GPC5: variants seen among roughly 807,000 people sequenced by gnomAD.
GPC5 encodes the protein glypican-5.
A neutral mutation model predicts 53.9 loss-of-function variants in GPC5; 47 were observed. The observed-to-expected ratio is 0.87, with a 90% confidence interval of 0.69 to 1.11. GPC5 has a LOEUF of 1.11. Ranked by LOEUF, GPC5 falls within the 50% of genes most tolerant of loss-of-function variation. GPC5 has a pLI of 0.00. For missense variants in GPC5, 748 were observed against 713.1 expected, an observed-to-expected ratio of 1.05 and a Z score of -0.56; for synonymous variants, 286 against 263.3, an observed-to-expected ratio of 1.09 and a Z score of -0.84.
chr13:92,585,538 G>A (rs1201242425), intron 7 of GPC5, among the ~76,000 whole-genome samples: 1 of 152,136 alleles, frequency 6.6e-6, no homozygotes, highest in Non-Finnish European at 1.5e-5. Context: ...GAATTGCCTT[G>A]TCTCAGATGA....
chr13:92,193,825 T>C (rs867938988), intron 7 of GPC5, among the ~76,000 whole-genome samples: 1 of 152,230 alleles, frequency 6.6e-6, no homozygotes, highest in Non-Finnish European at 1.5e-5. Flanking sequence ...CCAAGAAGAT[T>C]AACCACTCCA....
intron 7 of GPC5, among the ~76,000 whole-genome samples, chr13:92,741,528 T>A (rs915831836): frequency 2.0e-5 from 3 of 152,032 alleles, no homozygotes; most frequent in African/African-American, 7.2e-5. Context: ...GAAAACAGGT[T>A]GAAACAGTGC....
chr13:91,964,246 T>C (rs1476307967), intron 6 of GPC5, among the ~76,000 whole-genome samples: 1 of 152,172 alleles, frequency 6.6e-6, no homozygotes, highest in African/African-American at 2.4e-5. Context: ...GCAAGATTTC[T>C]TGCAAACAGT....
intron 7 of GPC5, among the ~76,000 whole-genome samples, chr13:92,837,022 G>T (rs976936770): frequency 5.3e-5 from 8 of 152,080 alleles, no homozygotes; most frequent in African/African-American, 1.2e-4. Flanking sequence ...GATGGGGAAA[G>T]AAATTCATAT....
intron 3 of GPC5, among the ~76,000 whole-genome samples, chr13:91,713,514 A>C (rs1380704071): frequency 1.3e-5 from 2 of 152,082 alleles, no homozygotes; most frequent in South Asian, 2.1e-4. Context: ...CTTTTGGGAT[A>C]TAAAAAGTAG....
intron 7 of GPC5, among the ~76,000 whole-genome samples, chr13:92,542,855 G>A (rs1203532949): frequency 6.6e-6 from 1 of 151,948 alleles, no homozygotes; most frequent in Non-Finnish European, 1.5e-5. Context: ...TCTGCTGTTA[G>A]TCTATTAATG....
intron 6 of GPC5, among the ~76,000 whole-genome samples, chr13:91,949,055 C>A (rs2040002496): frequency 6.6e-6 from 1 of 152,124 alleles, no homozygotes; most frequent in African/African-American, 2.4e-5. Context: ...TATCTTCTCT[C>A]CTTGATACTC....
intron 7 of GPC5, among the ~76,000 whole-genome samples, chr13:92,422,486 T>TCA (rs1491099043): frequency 5.8e-4 from 48 of 82,270 alleles, no homozygotes; most frequent in Non-Finnish European, 2.4e-4. Flanking sequence ...CCCATCACCA[T>TCA]CTCACACACA....
chr13:91,745,006 T>C (rs2037017104), intron 4 of GPC5, among the ~76,000 whole-genome samples: 2 of 152,140 alleles, frequency 1.3e-5, no homozygotes, highest in Non-Finnish European at 2.9e-5. Flanking sequence ...TCTTTTGTGA[T>C]AGATGACCAA....
chr13:92,749,197 G>A (rs923024890), intron 7 of GPC5, among the ~76,000 whole-genome samples: 7 of 152,164 alleles, frequency 4.6e-5, no homozygotes, highest in East Asian at 3.9e-4. Flanking sequence ...TTATTTAGAC[G>A]AAATAGGTAA....
intron 7 of GPC5, among the ~76,000 whole-genome samples, chr13:92,442,268 C>G (rs957354982): frequency 2.0e-5 from 3 of 152,092 alleles, no homozygotes; most frequent in Admixed American, 6.5e-5. Context: ...TCCAACTCTC[C>G]TCATTAGGTT....
At chr13:92,669,395 C>T (rs1444400208) in intron 7 of GPC5, among the ~76,000 whole-genome samples, 2 of 152,146 alleles carry the variant, frequency 1.3e-5, no homozygotes, top group Non-Finnish European at 2.9e-5. Context: ...TCTTGACTTA[C>T]ACACCTTACA....
chr13:92,411,344 C>T (rs1314440167), intron 7 of GPC5, among the ~76,000 whole-genome samples: 1 of 152,142 alleles, frequency 6.6e-6, no homozygotes, highest in Non-Finnish European at 1.5e-5. Flanking sequence ...TATACATGAC[C>T]AATTGGTCTA....
chr13:91,628,723 TA>T, intron 2 of GPC5, among the ~76,000 whole-genome samples: 1 of 152,166 alleles, frequency 6.6e-6, no homozygotes, highest in African/African-American at 2.4e-5. Context: ...AACAATAAGA[TA>T]ATAACTAAGT....
chr13:91,768,138 T>C (rs928477757), intron 5 of GPC5, among the ~76,000 whole-genome samples: 9 of 152,214 alleles, frequency 5.9e-5, no homozygotes, highest in Non-Finnish European at 1.0e-4. Flanking sequence ...ATTTATTATA[T>C]ATTAAAGTAA....
chr13:91,833,561 C>T (rs560506959), intron 5 of GPC5, among the ~76,000 whole-genome samples: 4 of 152,092 alleles, frequency 2.6e-5, no homozygotes, highest in South Asian at 2.1e-4. Context: ...ACGATCAAGT[C>T]GCCTTGATCC....
At chr13:92,109,745 C>T (rs1284077238) in intron 6 of GPC5, among the ~76,000 whole-genome samples, 11 of 151,920 alleles carry the variant, frequency 7.2e-5, no homozygotes, top group Admixed American at 7.2e-4. Flanking sequence ...ATTTCTTAAA[C>T]CTATTAAATG....
intron 7 of GPC5, among the ~76,000 whole-genome samples, chr13:92,349,525 A>G (rs2043457416): frequency 6.6e-6 from 1 of 151,776 alleles, no homozygotes; most frequent in African/African-American, 2.4e-5. Context: ...TATTAACGAG[A>G]AAAAAGACTC....
chr13:92,647,249 G>T (rs1181480225), intron 7 of GPC5, among the ~76,000 whole-genome samples: 1 of 151,934 alleles, frequency 6.6e-6, no homozygotes, highest in South Asian at 2.1e-4. Flanking sequence ...TTCACCGTAG[G>T]TTTTGTCAAC....
Sources: allele counts gnomAD v4.1 joint callset (sites outside exome capture counted in the v4.1 genomes callset), GRCh38; gene constraint gnomAD v4.1.1; transcripts MANE v1.5; gene names NCBI Gene and HGNC (gene_info 2026-07-23, HGNC 2026-07-21).